USP39: variants seen among roughly 807,000 people sequenced by gnomAD.
USP39 encodes the protein ubiquitin specific peptidase 39, also known as ubiquitin carboxyl-terminal hydrolase 39.
A neutral mutation model predicts 66.4 loss-of-function variants in USP39; 38 were observed. That is an observed-to-expected ratio of 0.57 (90% CI 0.44 to 0.75). USP39 has a LOEUF of 0.75. Ranked by LOEUF, USP39 falls within the 30% of genes least tolerant of loss-of-function variation. USP39 has a pLI of 0.00. For missense variants in USP39, 608 were observed against 714.4 expected (o/e 0.85, Z 1.70); for synonymous variants, 303 against 274.6 (o/e 1.10, Z -1.02).
At chr2:85,605,891 T>C (rs934114161) in intron 1 of USP39, among the ~76,000 whole-genome samples, 124 of 152,348 alleles carry the variant, frequency 8.1e-4, no homozygotes, top group African/African-American at 2.9e-3. Flanking sequence ...ATTTGTTGGC[T>C]GGGCTCCAAC....
intron 1 of USP39, among the ~76,000 whole-genome samples, chr2:85,616,881 GGGGTTTCATCGT>G: frequency 6.6e-6 from 1 of 151,698 alleles, no homozygotes; most frequent in South Asian, 2.1e-4. Context: ...AGTAGAGAAG[GGGGTTTCATCGT>G]GTTAGCCAGG....
Position 85,606,176 on chromosome 2 carries a change from G to A in USP39, n.226+3095G>A, listed in dbSNP as rs1001007725. ...TGCCTATCAGATTGTGTGTGTGTGC[G>A]CGTTTTTTAAAGACAGCCAATTACA... On this transcript the variant is annotated intron_variant and non_coding_transcript_variant, in intron 1 of 12. Transcript: ENST00000459775. 9.9e-5 allele frequency among the ~76,000 whole-genome samples: 15 copies of A among 152,272 alleles called. No homozygotes were observed. In the South Asian group the frequency reaches 1.7e-3, roughly 17 times the overall value.
chr2:85,633,147 G>C (rs1204129382), intron 6 of USP39, among the ~76,000 whole-genome samples: 1 of 151,972 alleles, frequency 6.6e-6, no homozygotes, highest in Non-Finnish European at 1.5e-5. Context: ...TTGAGATAGA[G>C]TCTCACTCTG....
At chr2:85,611,421 C>T (rs1444318211), upstream of USP39, 2 of 1,512,096 alleles carry the variant, frequency 1.3e-6, no homozygotes, top group African/African-American at 1.4e-5. Flanking sequence ...GTGGGGCAAA[C>T]CGGCAGATAA....
chr2:85,620,085 T>C (rs911725531), intron 2 of USP39, among the ~76,000 whole-genome samples: 2 of 151,594 alleles, frequency 1.3e-5, no homozygotes, highest in African/African-American at 2.4e-5. Context: ...CTCAAACTCC[T>C]GAACTCAGGA....
At position 85,604,233 on chromosome 2, in the gene USP39, CAG is replaced by C. The variant is rs368061178; in HGVS notation, n.226+1155_226+1156del. On this transcript the variant is annotated intron_variant and non_coding_transcript_variant, in intron 1 of 12. Coordinates refer to the USP39 transcript ENST00000459775. ...TTGGAGAGCCCTTTTTCTTTTGAGA[CAG>C]AGTTTCACTTGTTGCCCAGGCTGGA... Among the ~76,000 whole-genome samples, 492 of 151,968 alleles carry C rather than the reference CAG, an allele frequency of 3.2e-3. 4 individuals carry two copies. Among genetic ancestry groups the C allele is most frequent in the African/African-American group, 0.012 (481 of 41,518 alleles).
At chr2:85,628,236 C>G (rs1260332256) in intron 5 of USP39, among the ~76,000 whole-genome samples, 7 of 152,100 alleles carry the variant, frequency 4.6e-5, no homozygotes. Context: ...ACCTCTGCCT[C>G]CCAGGTTCAA....
intron 9 of USP39, 27 bp downstream of exon 9, chr2:85,639,418 C>G (rs769577052): frequency 1.3e-6 from 2 of 1,569,634 alleles, no homozygotes; most frequent in Non-Finnish European, 1.7e-6. Flanking sequence ...CCTGCCCTGC[C>G]TATACTTACC....
chr2:85,612,031 A>C, upstream of USP39: 6 of 1,326,904 alleles, frequency 4.5e-6, no homozygotes, highest in Non-Finnish European at 6.0e-6. Flanking sequence ...GGCCCCAACA[A>C]CAGCCACCCG....
chr2:85,616,776 C>G (rs1379064003), intron 1 of USP39, among the ~76,000 whole-genome samples: 1 of 149,696 alleles, frequency 6.7e-6, no homozygotes, highest in Non-Finnish European at 1.5e-5. Flanking sequence ...CTCCCCGGTT[C>G]AAACGATTCT....
chr2:85,622,741 G>A (rs1260350140), intron 3 of USP39, among the ~76,000 whole-genome samples: 5 of 151,456 alleles, frequency 3.3e-5, no homozygotes, highest in African/African-American at 4.9e-5. Flanking sequence ...GTATAGTGGA[G>A]GATTCAAATG....
chr2:85,645,844 C>T (rs1474871933), intron 11 of USP39: 3 of 152,206 alleles, frequency 2.0e-5, no homozygotes, highest in Non-Finnish European at 2.9e-5. Flanking sequence ...CTATGATGCT[C>T]ATGCTGGTCT....
Position 85,639,264 on chromosome 2 carries a change from C to T in USP39, c.1157C>T (p.Ser386Phe). The T allele has an allele frequency of 6.2e-7, 1 of 1,613,970 alleles. No homozygotes were observed. The highest frequency in any genetic ancestry group is 8.5e-7 in the Non-Finnish European group (1 of 1,180,008). Reference protein sequence around the residue: ...NDEYQETMVESTFMYLTLDLP... With the variant: ...NDEYQETMVEFTFMYLTLDLP... ...GAGTACCAGGAGACAATGGTGGAGT[C>T]CACTTTTATGTACCTGACGCTGGAC... Residue 386 changes from serine (S) to phenylalanine (F), a missense_variant, in exon 9 of 13, where the codon TCC becomes TTC. Around this residue, in one of 6 missense-constraint regions of USP39, gnomAD observed 164 missense variants for 250.3 expected, o/e 0.66. Coordinates refer to ENST00000323701, the MANE Select transcript of USP39 (RefSeq NM_006590.4).
chr2:85,616,999 G>A (rs1268079052), intron 1 of USP39, among the ~76,000 whole-genome samples: 1 of 146,002 alleles, frequency 6.8e-6, no homozygotes, highest in African/African-American at 2.6e-5. Context: ...CAAACGTATG[G>A]TATTTCTAAC....
intron 6 of USP39, among the ~76,000 whole-genome samples, chr2:85,632,471 A>T (rs1410219277): frequency 1.4e-5 from 2 of 146,344 alleles, no homozygotes; most frequent in African/African-American, 2.5e-5. Flanking sequence ...TTTTTGAGAC[A>T]GAGTCTTGCT....
chr2:85,619,143 G>C, intron 1 of USP39, 77 bp from the exon 2 acceptor site: 3 of 1,506,530 alleles, frequency 2.0e-6, no homozygotes, highest in Non-Finnish European at 2.7e-6. Context: ...TCCCATTTCT[G>C]TTTCTTTTTT....
Position 85,640,772 on chromosome 2 carries a change from C to CTT in USP39, c.1285-184_1285-183dup, listed in dbSNP as rs962406690. Among the ~76,000 whole-genome samples the CTT allele has an allele frequency of 1.5e-4, 19 of 128,610 alleles. No individual in the cohort carries two copies. The East Asian group carries it at 2.8e-3, about 19-fold the overall frequency. 84.4% of individuals were successfully genotyped at this position (128,610 alleles called of 152,430 possible). ...ATAGGTGTGAGCCACCAGGCCCGGC[C>CTT]TTTTTTTTTTTTTTTTTTTTTAAAT... On this transcript the variant is annotated intron_variant, in intron 9 of 12. Transcript: ENST00000323701.
rs752363838 is a variant in USP39 at position 85,616,360 on chromosome 2, G to C, written c.165G>C (p.Glu55Asp). The change falls in exon 1 of 13, where the codon GAG (glutamate) becomes GAC (aspartate). Residue 55 changes from glutamate to aspartate, a missense_variant. Physicochemically the swap from Glu to Asp is conservative, Grantham distance 45. Coordinates refer to ENST00000323701, the MANE Select transcript of USP39 (RefSeq NM_006590.4). Reference sequence around the variant, plus strand: ...CTGTGCGCGTGAAGCGGGAGTTCGAGCCGGCGAGCGCGCGCGAGGCCCCGG... The same window carrying C: ...CTGTGCGCGTGAAGCGGGAGTTCGACCCGGCGAGCGCGCGCGAGGCCCCGG... ...GSPVRVKREF[E>D]PASAREAPAS... 6.2e-7 allele frequency: 1 copy of C among 1,601,440 alleles called. No individual in the cohort carries two copies. Among genetic ancestry groups the C allele is most frequent in the Admixed American group, 1.7e-5 (1 of 58,988 alleles).
At chr2:85,626,205 C>G (rs1254263943) in intron 5 of USP39, among the ~76,000 whole-genome samples, 3 of 151,872 alleles carry the variant, frequency 2.0e-5, no homozygotes, top group Non-Finnish European at 1.5e-5. Flanking sequence ...ACTAAAAATA[C>G]AAAATTAGCC....
Sources: gnomAD v4.1 joint callset for allele counts (sites outside exome capture counted in the v4.1 genomes callset) on GRCh38, gnomAD v4.1.1 for gene constraint, gnomAD v4.1.1 regional missense constraint, MANE v1.5 for transcripts, NCBI Gene and HGNC (gene_info 2026-07-23, HGNC 2026-07-21) for gene names.